Variants in ANKRD6 observed in about 807,000 individuals in gnomAD.
ANKRD6 encodes ankyrin repeat domain 6, also known as ankyrin repeat domain-containing protein 6.
Under a neutral mutation model 82.3 loss-of-function variants are expected in ANKRD6, and 56 were observed. That is an observed-to-expected ratio of 0.68 (90% CI 0.55 to 0.85). ANKRD6 has a LOEUF of 0.85. ANKRD6 is among the 40% of genes least tolerant of loss of function. The pLI is 0.00. For synonymous variants in ANKRD6, 347 were observed against 352.1 expected (o/e 0.99, Z 0.16); for missense variants, 852 against 907.6 (o/e 0.94, Z 0.79).
At chr6:89,594,005 C>T (rs1023265932) in intron 2 of ANKRD6, among the ~76,000 whole-genome samples, 14 of 152,224 alleles carry the variant, frequency 9.2e-5, no homozygotes, top group African/African-American at 3.4e-4. Flanking sequence ...AGGAGAGGAA[C>T]ACGCTGTGTT....
intron 1 of ANKRD6, among the ~76,000 whole-genome samples, chr6:89,480,554 T>C (rs1262102546): frequency 1.3e-5 from 2 of 150,642 alleles, no homozygotes; most frequent in East Asian, 3.9e-4. Flanking sequence ...ATATATTTTT[T>C]GTATATTTTG....
chr6:89,621,839 C>T, intron 9 of ANKRD6, 83 bp from the exon 10 acceptor site: 3 of 1,355,874 alleles, frequency 2.2e-6, no homozygotes, highest in Non-Finnish European at 3.1e-6. Flanking sequence ...TCCATTAGGT[C>T]AGAGCCCCAG....
chr6:89,438,080 C>T (rs1770872384), intron 1 of ANKRD6, among the ~76,000 whole-genome samples: 1 of 152,358 alleles, frequency 6.6e-6, no homozygotes. Flanking sequence ...TCTTCTTATA[C>T]ATATGATTCC....
intron 12 of ANKRD6, 84 bp downstream of exon 12, chr6:89,624,141 G>A: frequency 1.4e-6 from 2 of 1,400,084 alleles, no homozygotes; most frequent in South Asian, 1.4e-5. Context: ...GGGCTGATAG[G>A]CACTTTAGGC....
intron 1 of ANKRD6, among the ~76,000 whole-genome samples, chr6:89,455,063 C>G (rs564941436): frequency 1.3e-5 from 2 of 151,470 alleles, no homozygotes; most frequent in South Asian, 2.1e-4. Flanking sequence ...AGGCTGGTCT[C>G]GAACTCTCGA....
intron 13 of ANKRD6, among the ~76,000 whole-genome samples, chr6:89,626,811 G>A (rs1805835305): frequency 6.6e-6 from 1 of 152,224 alleles, no homozygotes. Context: ...ATTAAAAAGT[G>A]ACAACTGCTT....
intron 1 of ANKRD6, among the ~76,000 whole-genome samples, chr6:89,518,756 C>T (rs965691723): frequency 1.3e-5 from 2 of 152,078 alleles, no homozygotes; most frequent in African/African-American, 4.8e-5. Flanking sequence ...TTCAGTCAAG[C>T]CAGGGGCACT....
At position 89,440,560 on chromosome 6, in the gene ANKRD6, G is replaced by A. The variant is rs147128432; in HGVS notation, c.-144+7185G>A. Among the ~76,000 whole-genome samples, 570 of 152,190 alleles carry A rather than the reference G, an allele frequency of 3.7e-3. 5 individuals are homozygous for A. Among genetic ancestry groups the A allele is most frequent in the African/African-American group, 0.013 (534 of 41,530 alleles). Reference sequence around the variant, plus strand: ...TTGTATCCACTTCTCAGTTGCCTTCGGCTCAAAATAATCCTTATGCCAAAG... The same window carrying A: ...TTGTATCCACTTCTCAGTTGCCTTCAGCTCAAAATAATCCTTATGCCAAAG... On this transcript the variant is annotated intron_variant, in intron 1 of 15. Transcript: ENST00000339746.
chr6:89,494,626 A>AG (rs1362506511), intron 1 of ANKRD6, among the ~76,000 whole-genome samples: 1 of 152,158 alleles, frequency 6.6e-6, no homozygotes, highest in Admixed American at 6.5e-5. Context: ...CATTGCATGC[A>AG]GCTGCTGCCT....
At chr6:89,544,055 C>CA (rs1784743350) in intron 1 of ANKRD6, among the ~76,000 whole-genome samples, 1 of 152,216 alleles carries the variant, frequency 6.6e-6, no homozygotes, top group Admixed American at 6.5e-5. Context: ...CTGTGCCCCT[C>CA]ACAGATGCAC....
intron 1 of ANKRD6, among the ~76,000 whole-genome samples, chr6:89,453,700 C>T (rs1469973190): frequency 6.6e-6 from 1 of 151,956 alleles, no homozygotes; most frequent in Non-Finnish European, 1.5e-5. Context: ...CTGCCTCGGC[C>T]TGCCGAGTAG....
chr6:89,451,379 A>G (rs1316694414), intron 1 of ANKRD6, among the ~76,000 whole-genome samples: 1 of 152,214 alleles, frequency 6.6e-6, no homozygotes, highest in Non-Finnish European at 1.5e-5. Context: ...GAAGGTAGAA[A>G]TACCTTTGTG....
At position 89,624,053 on chromosome 6, in the gene ANKRD6, T is replaced by C. The variant is rs1337536913; in HGVS notation, c.1214T>C (p.Met405Thr). Residue 405 changes from methionine (M) to threonine (T), a missense_variant, in exon 12 of 16, where the codon ATG (methionine) becomes ACG (threonine). Met to Thr is a moderately conservative substitution (Grantham distance 81). Coordinates refer to ENST00000339746, the MANE Select transcript of ANKRD6 (RefSeq NM_001242809.2). ...TLYRGKDGKV[M>T]QAPINGCRCE... ...TACCGGGGCAAGGATGGGAAAGTGA[T>C]GCAGGTACCTGCAAAGCAGTGTCAG... The C allele has an allele frequency of 6.2e-7, 1 of 1,607,012 alleles. No homozygotes were observed. The highest frequency in any genetic ancestry group is 8.5e-7 in the Non-Finnish European group (1 of 1,177,130).
At chr6:89,547,346 G>A (rs548719217) in intron 1 of ANKRD6, among the ~76,000 whole-genome samples, 1 of 152,350 alleles carries the variant, frequency 6.6e-6, no homozygotes, top group South Asian at 2.1e-4. Flanking sequence ...GCCCAGCTGA[G>A]TGGTTTCACT....
At chr6:89,512,101 G>C (rs1780620640) in intron 1 of ANKRD6, among the ~76,000 whole-genome samples, 2 of 152,038 alleles carry the variant, frequency 1.3e-5, no homozygotes, top group Non-Finnish European at 2.9e-5. Context: ...CTGATTGTGG[G>C]GTTACCTTGA....
chr6:89,465,120 AT>A (rs1238834768), intron 1 of ANKRD6, among the ~76,000 whole-genome samples: 1,739 of 138,714 alleles, frequency 0.013, 15 homozygotes, highest in African/African-American at 0.036. Flanking sequence ...CATTGCTTTA[AT>A]TTTTTTTTTT....
intron 2 of ANKRD6, among the ~76,000 whole-genome samples, chr6:89,577,445 G>T (rs1296589930): frequency 6.6e-6 from 1 of 152,176 alleles, no homozygotes; most frequent in African/African-American, 2.4e-5. Context: ...TTGTGCTTTA[G>T]TCAAATACCT....
In ANKRD6 at chr6:89,567,029, C is replaced by T. The variant is rs970537507; in HGVS notation, c.53C>T (p.Ala18Val). 4 of 1,606,974 alleles carry T rather than the reference C, an allele frequency of 2.5e-6. No individual in the cohort carries two copies. Among genetic ancestry groups the T allele is most frequent in the Non-Finnish European group, 3.4e-6 (4 of 1,176,708 alleles). Residue 18 changes from alanine (A) to valine (V), a missense_variant, in exon 2 of 16, where the codon GCG becomes GTG. Ala to Val is a moderately conservative substitution (Grantham distance 64). Coordinates refer to ENST00000339746, the MANE Select transcript of ANKRD6 (RefSeq NM_001242809.2). ...CTTTCAGAGCGCCTTCTCGTAGCTG[C>T]GTACAAAGGCCAAACAGAGAATGTG... ...AALSERLLVA[A>V]YKGQTENVVQ...
chr6:89,595,454 C>A (rs1164929096), intron 2 of ANKRD6, among the ~76,000 whole-genome samples: 19 of 151,960 alleles, frequency 1.3e-4, no homozygotes, highest in Admixed American at 1.2e-3. Flanking sequence ...AAGAACCTTT[C>A]CTAATCAGTT....
Sources: allele counts gnomAD v4.1 joint callset (sites outside exome capture counted in the v4.1 genomes callset), GRCh38; gene constraint gnomAD v4.1.1; transcripts MANE v1.5; gene names NCBI Gene and HGNC (gene_info 2026-07-23, HGNC 2026-07-21).